Variants in ZSCAN5A observed in about 807,000 individuals in gnomAD.
ZSCAN5A encodes the protein zinc finger and SCAN domain-containing protein 5A.
In ZSCAN5A, 12 loss-of-function variants were observed where a neutral mutation model predicts 23.7. The ratio of observed to expected loss-of-function variants is 0.51; its 90% CI spans 0.32 to 0.82. ZSCAN5A has a LOEUF of 0.82. Ranked by LOEUF, ZSCAN5A falls within the 40% of genes least tolerant of loss-of-function variation. The pLI is 0.03. For synonymous variants in ZSCAN5A, 257 were observed against 239.9 expected (o/e 1.07, Z -0.66); for missense variants, 597 against 617.9 (o/e 0.97, Z 0.36).
At chr19:56,362,169 A>G (rs895153186) in intron 2 of ZSCAN5A, among the ~76,000 whole-genome samples, 5 of 152,160 alleles carry the variant, frequency 3.3e-5, no homozygotes, top group East Asian at 1.9e-4. Context: ...AAAAAAAAAA[A>G]AAAAAAATTA....
At chr19:56,249,460 CAG>C (rs2036192136) in intron 2 of ZSCAN5A, among the ~76,000 whole-genome samples, 3 of 152,102 alleles carry the variant, frequency 2.0e-5, no homozygotes, top group African/African-American at 7.2e-5. Flanking sequence ...TTAGTAGAGA[CAG>C]GGTTTCGCCA....
chr19:56,299,843 C>G (rs962126384), intron 2 of ZSCAN5A: 1 of 152,292 alleles, frequency 6.6e-6, no homozygotes, highest in East Asian at 1.9e-4. Flanking sequence ...CAGAGTCCAG[C>G]GACACAGAGG....
chr19:56,345,036 C>T (rs1011442407), intron 2 of ZSCAN5A, among the ~76,000 whole-genome samples: 13 of 151,206 alleles, frequency 8.6e-5, no homozygotes, highest in Non-Finnish European at 1.6e-4. Context: ...ACCCAGGAGG[C>T]GGAGCTTGCA....
chr19:56,319,182 T>A (rs1568749396), upstream of ZSCAN5A, among the ~76,000 whole-genome samples: 1 of 151,820 alleles, frequency 6.6e-6, no homozygotes, highest in East Asian at 1.9e-4. Flanking sequence ...TTAAATCAGG[T>A]AAGGAAGCTG....
chr19:56,292,107 G>A (rs1428654197), intron 2 of ZSCAN5A, among the ~76,000 whole-genome samples: 1 of 152,138 alleles, frequency 6.6e-6, no homozygotes, highest in African/African-American at 2.4e-5. Flanking sequence ...TAACCACGGT[G>A]CTGTGCTTCC....
chr19:56,302,218 G>A, intron 2 of ZSCAN5A: 1 of 558,104 alleles, frequency 1.8e-6, no homozygotes, highest in East Asian at 3.5e-5. Flanking sequence ...TGGTGGGAGA[G>A]CCCTTCTGTA....
chr19:56,330,896 A>G (rs1296144917), intron 2 of ZSCAN5A, among the ~76,000 whole-genome samples: 1 of 152,204 alleles, frequency 6.6e-6, no homozygotes, highest in African/African-American at 2.4e-5. Flanking sequence ...AATCTTCAGA[A>G]TGGTGTTTCC....
chr19:56,346,339 C>A lies in ZSCAN5A; in HGVS notation c.-358+16896G>T, dbSNP rs1375309557. Among the ~76,000 whole-genome samples the A allele has an allele frequency of 6.6e-5, 10 of 152,096 alleles. No homozygotes were observed. The East Asian group carries it at 1.9e-3, about 29-fold the overall frequency. On this transcript the variant is annotated intron_variant, in intron 2 of 6. Transcript: ENST00000587340. ...AGCTGGTTGCTACTCTTCTCTTTGG[C>A]CAAGACAATCCCCAACTCAGTTACT...
chr19:56,248,484 C>T (rs2036113502), intron 2 of ZSCAN5A, among the ~76,000 whole-genome samples: 3 of 152,226 alleles, frequency 2.0e-5, no homozygotes. Context: ...GTCTTGAACT[C>T]CTGAGTTCAA....
intron 2 of ZSCAN5A, among the ~76,000 whole-genome samples, chr19:56,228,776 T>G (rs1199486442): frequency 6.6e-6 from 1 of 152,164 alleles, no homozygotes; most frequent in Non-Finnish European, 1.5e-5. Context: ...AAAGAGACAG[T>G]CTTTGTTGAT....
chr19:56,252,562 G>C (rs2036420114), intron 2 of ZSCAN5A, among the ~76,000 whole-genome samples: 1 of 152,180 alleles, frequency 6.6e-6, no homozygotes. Flanking sequence ...CACAGCCAGG[G>C]GTACTGCACA....
intron 2 of ZSCAN5A, among the ~76,000 whole-genome samples, chr19:56,344,827 C>T (rs1244990196): frequency 3.4e-4 from 47 of 139,940 alleles, no homozygotes; most frequent in African/African-American, 6.0e-4. Context: ...GGCGTGAACC[C>T]GGGAAGCGGA....
chr19:56,282,488 C>G, intron 2 of ZSCAN5A: 2 of 985,378 alleles, frequency 2.0e-6, no homozygotes, highest in Non-Finnish European at 2.4e-6. Context: ...TGTCTGCCAA[C>G]AGTGCTGAAA....
chr19:56,361,926 G>C (rs2147469569), intron 2 of ZSCAN5A, among the ~76,000 whole-genome samples: 1 of 152,212 alleles, frequency 6.6e-6, no homozygotes, highest in South Asian at 2.1e-4. Context: ...GGGAGGCCAA[G>C]GAGGGCAGAT....
intron 2 of ZSCAN5A, among the ~76,000 whole-genome samples, chr19:56,337,248 G>C (rs978349046): frequency 6.6e-6 from 1 of 152,210 alleles, no homozygotes; most frequent in African/African-American, 2.4e-5. Flanking sequence ...GAGCTTCCCG[G>C]CCACTTTATT....
intron 2 of ZSCAN5A, among the ~76,000 whole-genome samples, chr19:56,340,016 G>A (rs1012461780): frequency 1.3e-5 from 2 of 152,144 alleles, no homozygotes; most frequent in African/African-American, 4.8e-5. Flanking sequence ...GGGAAAGTCT[G>A]AGCATTTTTC....
rs2037562970 is a variant in ZSCAN5A, at chr19:56,267,570, TGGC to T, written c.-127-42400_-127-42398del. Among the ~76,000 whole-genome samples, 4 of 152,346 alleles carry T rather than the reference TGGC, an allele frequency of 2.6e-5. No individual in the cohort carries two copies. In the South Asian group the frequency reaches 8.3e-4, roughly 32 times the overall value. On this transcript the variant is annotated intron_variant, in intron 2 of 5. Transcript: ENST00000683990. Reference sequence around the variant, plus strand: ...GTGCTCAGCAGCCGCACGTGGCTAGTGGCCACCATTCTGGGTAGCACGGATACA... The same window carrying T: ...GTGCTCAGCAGCCGCACGTGGCTAGTCACCATTCTGGGTAGCACGGATACA...
chr19:56,231,305 C>T (rs1215661320), intron 2 of ZSCAN5A, among the ~76,000 whole-genome samples: 1 of 152,128 alleles, frequency 6.6e-6, no homozygotes, highest in Non-Finnish European at 1.5e-5. Flanking sequence ...TAGCATTGCA[C>T]GTTGTATATA....
At chr19:56,342,105 CAACTT>C (rs2041597376) in intron 2 of ZSCAN5A, among the ~76,000 whole-genome samples, 1 of 152,136 alleles carries the variant, frequency 6.6e-6, no homozygotes, top group African/African-American at 2.4e-5. Context: ...TCTTTATAGA[CAACTT>C]AATCACATAA....
Sources: gnomAD v4.1 joint callset for allele counts (sites outside exome capture counted in the v4.1 genomes callset) on GRCh38, gnomAD v4.1.1 for gene constraint, MANE v1.5 for transcripts, NCBI Gene and HGNC (gene_info 2026-07-23, HGNC 2026-07-21) for gene names.